Variants in HKDC1 observed in about 807,000 individuals in gnomAD.
HKDC1 encodes hexokinase domain containing 1.
Under a neutral mutation model 96.6 loss-of-function variants are expected in HKDC1, and 66 were observed. The observed-to-expected ratio is 0.68, with a 90% CI of 0.56 to 0.84. The LOEUF is 0.84. HKDC1 is among the 40% of genes least tolerant of loss of function. The pLI is 0.00. For missense variants in HKDC1, 1,211 were observed against 1,208.1 expected, an observed-to-expected ratio of 1.00 and a Z score of -0.04; for synonymous variants, 466 against 473.1, an observed-to-expected ratio of 0.98 and a Z score of 0.20.
intron 1 of HKDC1, 141 bp from the exon 2 acceptor site, chr10:69,227,066 T>C (rs1310789748): frequency 9.3e-6 from 8 of 864,370 alleles, no homozygotes; most frequent in South Asian, 3.2e-5. Flanking sequence ...AGGGGTCAGA[T>C]AGGGAGGCTT....
rs770301912 is a variant in HKDC1, at chr10:69,243,337, C to T, written c.847C>T (p.Leu283Phe). 5.6e-6 allele frequency: 9 copies of T among 1,600,812 alleles called. No individual in the cohort carries two copies. The highest frequency in any genetic ancestry group is 1.3e-5 in the African/African-American group (1 of 74,634). Reference protein sequence around the residue: ...IRTEFDRELDLGSLNPGKQLF... With the variant: ...IRTEFDRELDFGSLNPGKQLF... ...CACTGAGTTCGACAGGGAGCTGGACCTCGGCTCTCTCAACCCAGGAAAGCA... is the reference window on the plus strand; with the variant it reads ...CACTGAGTTCGACAGGGAGCTGGACTTCGGCTCTCTCAACCCAGGAAAGCA... Residue 283 changes from leucine (L) to phenylalanine (F), a missense_variant, in exon 7 of 18, where the codon CTC becomes TTC. Transcript: ENST00000354624.
intron 16 of HKDC1, among the ~76,000 whole-genome samples, chr10:69,262,280 A>C (rs540438679): frequency 6.6e-6 from 1 of 152,318 alleles, no homozygotes; most frequent in African/African-American, 2.4e-5. Flanking sequence ...TCTAGTTTGT[A>C]ATTTATAAAT....
chr10:69,224,126 G>T (rs185388517), intron 1 of HKDC1, among the ~76,000 whole-genome samples: 2,096 of 151,144 alleles, frequency 0.014, 56 homozygotes, highest in African/African-American at 0.049. Context: ...CAGGATCACT[G>T]GAGCCCGGGA....
intron 4 of HKDC1, among the ~76,000 whole-genome samples, chr10:69,236,419 C>T (rs147977139): frequency 5.3e-5 from 8 of 151,304 alleles, no homozygotes; most frequent in Middle Eastern, 3.4e-3. Context: ...CCCATTTTGA[C>T]CCACTTAGTG....
chr10:69,258,663 C>T (rs1843757563), intron 14 of HKDC1, 113 bp from the exon 15 acceptor site: 10 of 1,040,864 alleles, frequency 9.6e-6, no homozygotes, highest in South Asian at 2.6e-5. Context: ...AAGCTGGAAT[C>T]GCATCCAGTT....
intron 9 of HKDC1, among the ~76,000 whole-genome samples, chr10:69,247,970 G>A (rs1276785147): frequency 6.6e-6 from 1 of 152,118 alleles, no homozygotes. Flanking sequence ...TCATAGATGG[G>A]GAAAAATAGA....
chr10:69,245,982 A>G (rs1274342569), intron 7 of HKDC1, 97 bp from the exon 8 acceptor site: 5 of 1,464,320 alleles, frequency 3.4e-6, no homozygotes, highest in Middle Eastern at 1.8e-4. Flanking sequence ...GCCCTCTCCC[A>G]TGTGCTCCTT....
At chr10:69,246,688 G>A (rs181179060) in intron 8 of HKDC1, among the ~76,000 whole-genome samples, 1 of 152,360 alleles carries the variant, frequency 6.6e-6, no homozygotes, top group Non-Finnish European at 1.5e-5. Context: ...GCTCCCATCA[G>A]GAACTGGCTT....
chr10:69,222,321 T>G lies in HKDC1; in HGVS notation c.63+1823T>G, dbSNP rs140497144. On this transcript the variant is annotated intron_variant, in intron 1 of 17. Coordinates refer to ENST00000354624, the MANE Select transcript of HKDC1 (RefSeq NM_025130.4). Reference sequence around the variant, plus strand: ...ACTAAATTCTATTCATTTAGAGAGTTGAGTTAGAGGTTGTAGCAAATTTAA... The same window carrying G: ...ACTAAATTCTATTCATTTAGAGAGTGGAGTTAGAGGTTGTAGCAAATTTAA... Among the ~76,000 whole-genome samples, 250 of 152,346 alleles carry G rather than the reference T, an allele frequency of 1.6e-3. 1 individual carries two copies. The South Asian group carries it at 0.019, about 11-fold the overall frequency.
chr10:69,265,498 T>C (rs1843881139), intron 16 of HKDC1, 87 bp from the exon 17 acceptor site: 15 of 1,144,600 alleles, frequency 1.3e-5, no homozygotes, highest in Non-Finnish European at 1.8e-5. Flanking sequence ...TGTAAGGGCA[T>C]CTAAGAATGG....
intron 12 of HKDC1, 89 bp downstream of exon 12, chr10:69,250,741 ATT>A: frequency 6.9e-7 from 1 of 1,447,686 alleles, no homozygotes; most frequent in Non-Finnish European, 9.5e-7. Flanking sequence ...GCCTGCCTTC[ATT>A]TTTACAGGGA....
At chr10:69,243,484 CT>C in intron 7 of HKDC1, 119 bp downstream of exon 7, 1 of 744,704 alleles carries the variant, frequency 1.3e-6, no homozygotes, top group Non-Finnish European at 2.0e-6. Flanking sequence ...AACTTTCTTT[CT>C]TTTTTTCTTT....
chr10:69,232,587 C>T (rs892337629), intron 2 of HKDC1, 177 bp from the exon 3 acceptor site: 68 of 630,930 alleles, frequency 1.1e-4, no homozygotes, highest in Non-Finnish European at 1.6e-4. Context: ...CTCAGCTCTG[C>T]GCCTTACCTC....
intron 6 of HKDC1, among the ~76,000 whole-genome samples, chr10:69,241,781 G>A (rs144903845): frequency 1.2e-4 from 18 of 152,270 alleles, no homozygotes; most frequent in African/African-American, 3.9e-4. Context: ...CACCACGCCC[G>A]GCCGGATGTG....
At position 69,266,921 on chromosome 10, in the gene HKDC1, T is replaced by A; in HGVS notation, c.*164T>A. The A allele has an allele frequency of 1.6e-6, 1 of 611,526 alleles. No individual in the cohort carries two copies. Among genetic ancestry groups the A allele is most frequent in the Non-Finnish European group, 2.7e-6 (1 of 363,658 alleles). The allele number at this position is 611,526 out of a possible 1,614,324, so 37.9% of individuals were successfully genotyped here. Reference sequence around the variant, plus strand: ...GGTACTCTTAGTATCTTGTACTGGATTTGCAGTGACATTACATGACATCTC... The same window carrying A: ...GGTACTCTTAGTATCTTGTACTGGAATTGCAGTGACATTACATGACATCTC... On this transcript the variant is annotated 3_prime_UTR_variant, in exon 18 of 18. Coordinates refer to ENST00000354624, the MANE Select transcript of HKDC1 (RefSeq NM_025130.4).
At chr10:69,222,766 T>C (rs1843086808) in intron 1 of HKDC1, 3 of 152,198 alleles carry the variant, frequency 2.0e-5, no homozygotes, top group Non-Finnish European at 4.4e-5. Flanking sequence ...TATAGCCACC[T>C]TAAGCAAGTG....
At chr10:69,237,277 T>TTGTGTGTG (rs71035080) in intron 4 of HKDC1, among the ~76,000 whole-genome samples, 3,446 of 145,560 alleles carry the variant, frequency 0.024, 64 homozygotes, top group Admixed American at 0.051. Context: ...AGAAATTTCT[T>TTGTGTGTG]TGTGTGTGTG....
At position 69,220,513 on chromosome 10, in the gene HKDC1, C is replaced by T. The variant is rs775568155; in HGVS notation, c.63+15C>T. On this transcript the variant is annotated intron_variant, in intron 1 of 17. Coordinates refer to ENST00000354624, the MANE Select transcript of HKDC1 (RefSeq NM_025130.4). ...AGATCAAGAAGGTAAGGAGGACCCA[C>T]GAAGCTGAGAGATGCCCAGCTCCTT... is the stretch of plus-strand genomic sequence containing the variant. 16 of 1,560,902 alleles carry T rather than the reference C, an allele frequency of 1.0e-5. No individual in the cohort carries two copies. In the African/African-American group the frequency reaches 1.2e-4, roughly 12 times the overall value.
chr10:69,237,281 G>GTC (rs1564728445), intron 4 of HKDC1, among the ~76,000 whole-genome samples: 2 of 37,838 alleles, frequency 5.3e-5, no homozygotes, highest in Non-Finnish European at 1.2e-4. Context: ...ATTTCTTTGT[G>GTC]TGTGTGTGTG....
Sources: gnomAD v4.1 joint callset for allele counts (sites outside exome capture counted in the v4.1 genomes callset) on GRCh38, gnomAD v4.1.1 for gene constraint, MANE v1.5 for transcripts, NCBI Gene and HGNC (gene_info 2026-07-23, HGNC 2026-07-21) for gene names.